The following TRHDE variants were observed in gnomAD, a reference collection of about 807,000 sequenced individuals.
TRHDE encodes the protein thyrotropin-releasing hormone-degrading ectoenzyme.
TRHDE carries 72 observed loss-of-function variants against 125.7 expected under a neutral mutation model. The ratio of observed to expected loss-of-function variants is 0.57; its 90% confidence interval spans 0.47 to 0.70. The LOEUF is 0.70. Ranked by LOEUF, TRHDE falls within the 30% of genes least tolerant of loss-of-function variation. The probability of loss-of-function intolerance (pLI) is 0.00; values close to 1 mark genes in which losing one functional copy is unlikely to be tolerated. For synonymous variants in TRHDE, 509 were observed against 509.1 expected (o/e 1.00, Z 0.00); for missense variants, 1,110 against 1,327.1 (o/e 0.84, Z 2.54).
intron 12 of TRHDE, among the ~76,000 whole-genome samples, chr12:72,611,637 T>C (rs1005848420): frequency 2.0e-5 from 3 of 152,136 alleles, no homozygotes; most frequent in African/African-American, 4.8e-5. Context: ...TTATTAATAA[T>C]TGGAGTGTAA....
intron 2 of TRHDE, among the ~76,000 whole-genome samples, chr12:72,348,573 G>C (rs4300426): frequency 0.32 from 48,739 of 151,746 alleles, 7,890 homozygotes; most frequent in East Asian, 0.38. Flanking sequence ...TTAAATCTCT[G>C]TTTGCCCTAC....
chr12:72,195,026 C>T (rs2139351179), intron 2 of TRHDE, among the ~76,000 whole-genome samples: 1 of 152,144 alleles, frequency 6.6e-6, no homozygotes, highest in South Asian at 2.1e-4. Context: ...AACTTACAAT[C>T]ATGGTGGAAG....
chr12:72,126,120 C>T (rs765898147), intron 2 of TRHDE, among the ~76,000 whole-genome samples: 1 of 152,072 alleles, frequency 6.6e-6, no homozygotes, highest in Non-Finnish European at 1.5e-5. Flanking sequence ...TGCATAGCCG[C>T]ACACACAAAA....
At chr12:72,506,812 C>G (rs1406746481) in intron 6 of TRHDE, among the ~76,000 whole-genome samples, 2 of 152,098 alleles carry the variant, frequency 1.3e-5, no homozygotes, top group Non-Finnish European at 2.9e-5. Context: ...AGAATCTAAC[C>G]TCTTCTCATC....
chr12:72,403,984 A>G (rs1873156587), intron 3 of TRHDE, among the ~76,000 whole-genome samples: 1 of 152,192 alleles, frequency 6.6e-6, no homozygotes, highest in South Asian at 2.1e-4. Flanking sequence ...TGTCGTTTTT[A>G]CAAGTAAACA....
At chr12:72,604,197 A>G (rs759023031) in intron 12 of TRHDE, among the ~76,000 whole-genome samples, 1 of 152,206 alleles carries the variant, frequency 6.6e-6, no homozygotes, top group Non-Finnish European at 1.5e-5. Context: ...CTTAGCAGAG[A>G]CTCAGAAGAG....
intron 8 of TRHDE, 65 bp downstream of exon 8, chr12:72,562,295 A>C: frequency 1.2e-6 from 1 of 828,042 alleles, no homozygotes; most frequent in Non-Finnish European, 2.0e-6. Flanking sequence ...TTTATAAGAC[A>C]TTCATAGCCT....
chr12:72,092,946 G>A (rs149449165), intron 1 of TRHDE, among the ~76,000 whole-genome samples: 2,482 of 152,296 alleles, frequency 0.016, 35 homozygotes, highest in Middle Eastern at 0.037. Context: ...CTTCCTTGAA[G>A]TTTATGTGTA....
intron 2 of TRHDE, among the ~76,000 whole-genome samples, chr12:72,225,699 G>A (rs1031911177): frequency 1.3e-5 from 2 of 152,176 alleles, no homozygotes; most frequent in African/African-American, 4.8e-5. Context: ...GGAGGTGGGA[G>A]ATCAGTTATT....
At chr12:72,292,197 TG>T (rs1880114580) in intron 2 of TRHDE, among the ~76,000 whole-genome samples, 1 of 152,198 alleles carries the variant, frequency 6.6e-6, no homozygotes, top group South Asian at 2.1e-4. Flanking sequence ...GAAGAGGTTA[TG>T]GGGCATCACT....
At chr12:72,509,118 A>G (rs1364396271) in intron 6 of TRHDE, among the ~76,000 whole-genome samples, 1 of 152,158 alleles carries the variant, frequency 6.6e-6, no homozygotes, top group African/African-American at 2.4e-5. Context: ...AGTCTGAATC[A>G]GCACCATTTT....
intron 1 of TRHDE, among the ~76,000 whole-genome samples, chr12:72,278,041 T>C (rs1439666699): frequency 6.6e-6 from 1 of 152,184 alleles, no homozygotes; most frequent in African/African-American, 2.4e-5. Flanking sequence ...CTTGAACTTA[T>C]TCCTTTTTTC....
At chr12:72,645,682 G>T (rs1048512981) in intron 15 of TRHDE, among the ~76,000 whole-genome samples, 1 of 151,960 alleles carries the variant, frequency 6.6e-6, no homozygotes, top group Admixed American at 6.6e-5. Flanking sequence ...TAATTAAATT[G>T]GCAAAAGTAA....
At chr12:72,116,679 A>G (rs1040385492) in intron 2 of TRHDE, among the ~76,000 whole-genome samples, 1 of 151,784 alleles carries the variant, frequency 6.6e-6, no homozygotes, top group African/African-American at 2.4e-5. Context: ...GTGTCTGTTC[A>G]TACCTTTCGG....
chr12:72,230,633 C>T (rs1878229422), intron 2 of TRHDE, among the ~76,000 whole-genome samples: 1 of 151,908 alleles, frequency 6.6e-6, no homozygotes, highest in Admixed American at 6.6e-5. Flanking sequence ...GATATTTTAA[C>T]AAATTCCAGA....
chr12:72,419,861 A>G (rs1873879665), intron 3 of TRHDE, among the ~76,000 whole-genome samples: 1 of 152,222 alleles, frequency 6.6e-6, no homozygotes, highest in South Asian at 2.1e-4. Flanking sequence ...TCCCAAACCA[A>G]GATGAATTGT....
chr12:72,473,014 A>G (rs1876719903), intron 4 of TRHDE, 53 bp from the exon 5 acceptor site: 3 of 1,304,158 alleles, frequency 2.3e-6, no homozygotes, highest in Non-Finnish European at 3.3e-6. Flanking sequence ...TAGATAAAAT[A>G]GTTTGGGGAT....
chr12:72,130,535 T>C (rs564156051), intron 2 of TRHDE, among the ~76,000 whole-genome samples: 4 of 152,190 alleles, frequency 2.6e-5, no homozygotes, highest in Admixed American at 2.6e-4. Context: ...GAGGAAAATA[T>C]AGGAGAATAT....
At chr12:72,492,799 G>A (rs1368497982) in intron 5 of TRHDE, among the ~76,000 whole-genome samples, 1 of 151,874 alleles carries the variant, frequency 6.6e-6, no homozygotes, top group East Asian at 1.9e-4. Flanking sequence ...TTCCAGAGAA[G>A]TAAAACATAA....
Sources: allele counts gnomAD v4.1 joint callset (sites outside exome capture counted in the v4.1 genomes callset), GRCh38; gene constraint gnomAD v4.1.1; transcripts MANE v1.5; gene names NCBI Gene and HGNC (gene_info 2026-07-23, HGNC 2026-07-21).